The following MRE11 variants were observed in gnomAD, a reference collection of about 807,000 sequenced individuals.
The protein encoded by MRE11 is double-strand break repair protein MRE11.
In MRE11, 62 loss-of-function variants were observed where a neutral mutation model predicts 91.7. The ratio of observed to expected loss-of-function variants is 0.68; its 90% CI spans 0.55 to 0.84. The LOEUF (loss-of-function observed/expected upper bound fraction) is 0.84. MRE11 is among the 40% of genes least tolerant of loss of function. The pLI is 0.00. For synonymous variants in MRE11, 273 were observed against 271.4 expected (o/e 1.01, Z -0.06); for missense variants, 796 against 852.9 (o/e 0.93, Z 0.83).
rs116680456 is a variant in MRE11, at chr11:94,466,046, A to G, written c.1098+1767T>C. On this transcript the variant is annotated intron_variant, in intron 10 of 19. Transcript: ENST00000323929. Reference sequence around the variant, plus strand: ...GGTCAAGAAAGGCTTCTTTGAAGACAGAGGCTTTAGGTGGGTGCTGAAGAA... The same window carrying G: ...GGTCAAGAAAGGCTTCTTTGAAGACGGAGGCTTTAGGTGGGTGCTGAAGAA... Among the ~76,000 whole-genome samples the G allele has an allele frequency of 7.1e-3, 1,082 of 152,284 alleles. 10 individuals are homozygous for G. The highest frequency in any genetic ancestry group is 0.024 in the African/African-American group (983 of 41,562).
the MRE11 span, chr11:94,499,146 A>C: frequency 1.3e-5 from 2 of 154,260 alleles, no homozygotes; most frequent in Non-Finnish European, 2.9e-5. Flanking sequence ...AATATTGTAT[A>C]CTGCATCCCC....
At chr11:94,469,869 G>C (rs1278756832) in intron 9 of MRE11, among the ~76,000 whole-genome samples, 1 of 152,132 alleles carries the variant, frequency 6.6e-6, no homozygotes, top group Non-Finnish European at 1.5e-5. Context: ...CTGAGCGTCA[G>C]CAAGTGATGC....
At chr11:94,492,719 G>A (rs2135148885) in intron 2 of MRE11, 63 bp downstream of exon 2, 1 of 1,600,876 alleles carries the variant, frequency 6.2e-7, no homozygotes, top group Middle Eastern at 1.7e-4. Context: ...CTTTTACTGT[G>A]ATCACAGTTG....
chr11:94,504,548 T>C, the MRE11 span, among the ~76,000 whole-genome samples: 2 of 152,334 alleles, frequency 1.3e-5, no homozygotes, highest in African/African-American at 2.4e-5. Flanking sequence ...GAAAAGATGG[T>C]TAGTTACTAT....
At chr11:94,454,318 C>A (rs1279136420) in intron 14 of MRE11, among the ~76,000 whole-genome samples, 1 of 152,108 alleles carries the variant, frequency 6.6e-6, no homozygotes, top group Admixed American at 6.5e-5. Context: ...AAGAGATCCA[C>A]CTGCCTCGGC....
chr11:94,492,993 C>T, intron 1 of MRE11, 87 bp from the exon 2 acceptor site: 1 of 595,442 alleles, frequency 1.7e-6, no homozygotes. Flanking sequence ...AAGGTACAGA[C>T]GTCTTAATTA....
upstream of MRE11, chr11:94,497,103 C>A (rs1163663273): frequency 1.0e-6 from 1 of 996,848 alleles, no homozygotes; most frequent in East Asian, 2.4e-5. Context: ...TATTAAGCTG[C>A]AAAGTGTCAT....
chr11:94,469,137 C>CT (rs13447634), intron 9 of MRE11, among the ~76,000 whole-genome samples: 7,277 of 152,242 alleles, frequency 0.048, 439 homozygotes, highest in African/African-American at 0.14. Flanking sequence ...ACCTCTATTA[C>CT]TTTGTGTCAC....
intron 16 of MRE11, among the ~76,000 whole-genome samples, chr11:94,444,359 G>A (rs1302000755): frequency 6.6e-6 from 1 of 152,100 alleles, no homozygotes. Flanking sequence ...GTGCAAGCTT[G>A]TCCAACCCAC....
intron 3 of MRE11, among the ~76,000 whole-genome samples, chr11:94,489,715 T>G (rs1236888238): frequency 6.6e-6 from 1 of 152,188 alleles, no homozygotes; most frequent in Non-Finnish European, 1.5e-5. Context: ...GGTGTTAATT[T>G]GCAAGTCAAT....
chr11:94,500,806 T>C, the MRE11 span, among the ~76,000 whole-genome samples: 1 of 152,166 alleles, frequency 6.6e-6, no homozygotes, highest in South Asian at 2.1e-4. Flanking sequence ...AAGACATTTA[T>C]TTGTATTATT....
In MRE11 at chr11:94,464,226, C is replaced by G; in HGVS notation, c.1112G>C (p.Gly371Ala). Residue 371 changes from glycine (G) to alanine (A), a missense_variant, in exon 11 of 20, where the codon GGA becomes GCA. Coordinates refer to ENST00000323929, the MANE Select transcript of MRE11 (RefSeq NM_005591.4). Reference sequence around the variant, plus strand: ...AAGAACACTGAAAGGTTCAAAACCTCCACTATAGTCCACCTGAAAACACAG... The same window carrying G: ...AAGAACACTGAAAGGTTCAAAACCTGCACTATAGTCCACCTGAAAACACAG... The part of the protein sequence containing the change: ...PLVRLRVDYS[G>A]GFEPFSVLRF... 6.2e-7 allele frequency: 1 copy of G among 1,613,844 alleles called. No individual in the cohort carries two copies. Among genetic ancestry groups the G allele is most frequent in the Non-Finnish European group, 8.5e-7 (1 of 1,179,874 alleles).
At chr11:94,466,867 T>C (rs1316712657) in intron 10 of MRE11, among the ~76,000 whole-genome samples, 1 of 152,184 alleles carries the variant, frequency 6.6e-6, no homozygotes, top group Non-Finnish European at 1.5e-5. Context: ...AGGGGACTCC[T>C]GGAGATACAG....
intron 16 of MRE11, among the ~76,000 whole-genome samples, chr11:94,438,606 G>C (rs1296559890): frequency 1.3e-5 from 2 of 152,188 alleles, no homozygotes; most frequent in Non-Finnish European, 2.9e-5. Flanking sequence ...TAGAAAACAA[G>C]ATACCTTTCT....
chr11:94,450,217 C>T (rs911082606), intron 14 of MRE11, among the ~76,000 whole-genome samples: 2 of 152,098 alleles, frequency 1.3e-5, no homozygotes, highest in African/African-American at 2.4e-5. Context: ...CTGACAAAAA[C>T]GTTATCAGTG....
chr11:94,485,768 T>C (rs1414805959), intron 4 of MRE11, among the ~76,000 whole-genome samples, 156 bp downstream of exon 4: 2 of 151,912 alleles, frequency 1.3e-5, no homozygotes, highest in Non-Finnish European at 2.9e-5. Context: ...ATTAGGAAAA[T>C]ATAAATTAAT....
the MRE11 span, among the ~76,000 whole-genome samples, chr11:94,507,797 G>A: frequency 1.3e-5 from 2 of 152,032 alleles, no homozygotes; most frequent in Non-Finnish European, 2.9e-5. Context: ...CTTTCATGAA[G>A]TGCTTCATCT....
intron 5 of MRE11, among the ~76,000 whole-genome samples, chr11:94,479,204 G>A (rs932643412): frequency 1.3e-5 from 2 of 152,072 alleles, no homozygotes; most frequent in African/African-American, 2.4e-5. Context: ...GGGGAAAAAA[G>A]ACCATAGATA....
At position 94,431,820 on chromosome 11, in the gene MRE11, T is replaced by C. The variant is rs180909138; in HGVS notation, c.1995-1834A>G. On this transcript the variant is annotated intron_variant, in intron 18 of 19. Transcript: ENST00000323929. ...ACCAAACAACTGTGAGTTATATTAC[T>C]ATTTCATGTCTAAAGAAATCGGCAG... Among the ~76,000 whole-genome samples the C allele has an allele frequency of 3.9e-3, 593 of 152,368 alleles. 12 individuals are homozygous for C. The highest frequency in any genetic ancestry group is 3.5e-4 in the Non-Finnish European group (24 of 68,040).
Sources: gnomAD v4.1 joint callset for allele counts (sites outside exome capture counted in the v4.1 genomes callset) on GRCh38, gnomAD v4.1.1 for gene constraint, MANE v1.5 for transcripts, NCBI Gene and HGNC (gene_info 2026-07-23, HGNC 2026-07-21) for gene names.